USP34: variants seen among roughly 807,000 people sequenced by gnomAD.
USP34 encodes the protein ubiquitin carboxyl-terminal hydrolase 34.
In USP34, 70 loss-of-function variants were observed where a neutral mutation model predicts 460.3. The ratio of observed to expected loss-of-function variants is 0.15; its 90% CI spans 0.13 to 0.19. The LOEUF (loss-of-function observed/expected upper bound fraction) is 0.19. Ranked by LOEUF, USP34 falls within the 10% of genes least tolerant of loss-of-function variation. The pLI is 1.00. For synonymous variants in USP34, 1,647 were observed against 1,405.3 expected, an observed-to-expected ratio of 1.17 and a Z score of -3.85; for missense variants, 3,985 against 4,236.2, an observed-to-expected ratio of 0.94 and a Z score of 1.65.
intron 4 of USP34, 83 bp downstream of exon 4, chr2:61,395,098 CAT>C (rs1693476051): frequency 6.9e-7 from 1 of 1,445,590 alleles, no homozygotes; most frequent in African/African-American, 1.5e-5. Flanking sequence ...ACTCAAAAGA[CAT>C]ATATAAATAA....
At chr2:61,306,101 T>G (rs1420694019) in intron 27 of USP34, among the ~76,000 whole-genome samples, 1 of 107,634 alleles carries the variant, frequency 9.3e-6, no homozygotes, top group African/African-American at 3.2e-5. Context: ...TTTGTCTATT[T>G]TGGCTTTGTT....
In USP34 at chr2:61,191,824, C is replaced by T. The variant is rs527461641; in HGVS notation, c.9588+1077G>A. On this transcript the variant is annotated intron_variant, in intron 76 of 79. Coordinates refer to ENST00000398571, the MANE Select transcript of USP34 (RefSeq NM_014709.4). Reference sequence around the variant, plus strand: ...CAGCAGTAGCAGTGGAGAGGGAAAACGAGATCTCCAATTGACTGAACAGAA... The same window carrying T: ...CAGCAGTAGCAGTGGAGAGGGAAAATGAGATCTCCAATTGACTGAACAGAA... 8.5e-5 allele frequency among the ~76,000 whole-genome samples: 13 copies of T among 152,246 alleles called. No individual in the cohort carries two copies. In the South Asian group the frequency reaches 2.1e-3, roughly 24 times the overall value.
At chr2:61,456,684 G>A (rs1695449736) in intron 1 of USP34, among the ~76,000 whole-genome samples, 1 of 152,048 alleles carries the variant, frequency 6.6e-6, no homozygotes, top group Admixed American at 6.6e-5. Context: ...CAGGCATGGT[G>A]GTTCACGCCT....
At chr2:61,386,800 A>G (rs1693158926) in intron 5 of USP34, among the ~76,000 whole-genome samples, 1 of 152,140 alleles carries the variant, frequency 6.6e-6, no homozygotes, top group Non-Finnish European at 1.5e-5. Context: ...AAAGAAACAA[A>G]CAAAAAAAAC....
chr2:61,406,212 A>G, intron 2 of USP34, 84 bp from the exon 3 acceptor site: 1 of 1,191,808 alleles, frequency 8.4e-7, no homozygotes, highest in South Asian at 1.8e-5. Flanking sequence ...GTAAGCAAAT[A>G]CTAAGTTATT....
intron 41 of USP34, chr2:61,277,939 A>G (rs1689419918): frequency 2.1e-6 from 1 of 481,156 alleles, no homozygotes; most frequent in African/African-American, 2.0e-5. Flanking sequence ...GCCGCCATCC[A>G]CATAAGATGC....
At chr2:61,283,940 T>C (rs923725401) in intron 35 of USP34, among the ~76,000 whole-genome samples, 5 of 45,540 alleles carry the variant, frequency 1.1e-4, no homozygotes, top group African/African-American at 4.2e-4. Context: ...TAGGGTAGGG[T>C]GGGGTGGGGC....
At chr2:61,240,507 G>A (rs185703947) in intron 53 of USP34, among the ~76,000 whole-genome samples, 135 of 151,928 alleles carry the variant, frequency 8.9e-4, no homozygotes, top group African/African-American at 3.0e-3. Flanking sequence ...CTCAATCTCC[G>A]GACCTCGTGA....
chr2:61,307,306 G>A (rs1690441811), intron 27 of USP34, among the ~76,000 whole-genome samples: 1 of 130,190 alleles, frequency 7.7e-6, no homozygotes, highest in Non-Finnish European at 1.6e-5. Context: ...CACACACCGG[G>A]GCCTGTCATG....
chr2:61,225,422 T>C (rs982365207), intron 62 of USP34, among the ~76,000 whole-genome samples: 1 of 152,106 alleles, frequency 6.6e-6, no homozygotes, highest in African/African-American at 2.4e-5. Context: ...ATTTAATATA[T>C]AGTTAGGTTC....
chr2:61,402,133 A>C (rs1693739480), intron 3 of USP34, among the ~76,000 whole-genome samples: 1 of 152,026 alleles, frequency 6.6e-6, no homozygotes. Flanking sequence ...AAATAAACTT[A>C]GCCAGGCACT....
In USP34 at chr2:61,311,332, T is replaced by C. The variant is rs531552662; in HGVS notation, c.3817+208A>G. 3.3e-5 allele frequency among the ~76,000 whole-genome samples: 5 copies of C among 152,264 alleles called. No individual in the cohort carries two copies. In the East Asian group the frequency reaches 9.6e-4, roughly 29 times the overall value. On this transcript the variant is annotated intron_variant, in intron 27 of 79. Transcript: ENST00000398571. Reference sequence around the variant, plus strand: ...GAGCCCTCACCAGATGCTGGTACCCTGATCTTGGACTTCCCAAATTCTGTT... The same window carrying C: ...GAGCCCTCACCAGATGCTGGTACCCCGATCTTGGACTTCCCAAATTCTGTT...
At chr2:61,365,108 C>G (rs1295868572) in intron 10 of USP34, among the ~76,000 whole-genome samples, 2 of 151,698 alleles carry the variant, frequency 1.3e-5, no homozygotes, top group Non-Finnish European at 2.9e-5. Context: ...AAAAATTAGC[C>G]AGGCATGGAG....
At chr2:61,225,706 A>G (rs1034815144) in intron 62 of USP34, among the ~76,000 whole-genome samples, 1 of 152,212 alleles carries the variant, frequency 6.6e-6, no homozygotes, top group Non-Finnish European at 1.5e-5. Context: ...TACACGATTA[A>G]GTTTCTGTGA....
chr2:61,339,790 A>T, intron 16 of USP34, 109 bp from the exon 17 acceptor site: 1 of 527,806 alleles, frequency 1.9e-6, no homozygotes, highest in Non-Finnish European at 3.0e-6. Flanking sequence ...TTTTTCTCAG[A>T]TCATAAAATA....
At chr2:61,190,228 G>A in intron 78 of USP34, 43 bp downstream of exon 78, 2 of 1,554,566 alleles carry the variant, frequency 1.3e-6, no homozygotes, top group Non-Finnish European at 1.7e-6. Flanking sequence ...TTAACTGAAG[G>A]ACAGTTTAAA....
At chr2:61,391,233 C>G (rs1693336034) in intron 5 of USP34, among the ~76,000 whole-genome samples, 2 of 152,070 alleles carry the variant, frequency 1.3e-5, no homozygotes, top group African/African-American at 4.8e-5. Flanking sequence ...ATCATTTGAG[C>G]CCAGGAGTTC....
At chr2:61,294,587 T>C (rs1013691334) in intron 32 of USP34, among the ~76,000 whole-genome samples, 1 of 151,998 alleles carries the variant, frequency 6.6e-6, no homozygotes, top group African/African-American at 2.4e-5. Flanking sequence ...ACCCAGCTCA[T>C]TTTTGCATTT....
At chr2:61,385,671 C>CCA (rs1693117425) in intron 5 of USP34, among the ~76,000 whole-genome samples, 1 of 45,998 alleles carries the variant, frequency 2.2e-5, no homozygotes, top group African/African-American at 9.5e-5. Flanking sequence ...GACTCTGTCT[C>CCA]AAAAAAAAAA....
Sources: gnomAD v4.1 joint callset for allele counts (sites outside exome capture counted in the v4.1 genomes callset) on GRCh38, gnomAD v4.1.1 for gene constraint, MANE v1.5 for transcripts, NCBI Gene and HGNC (gene_info 2026-07-23, HGNC 2026-07-21) for gene names.